ADAM28: variants seen among roughly 807,000 people sequenced by gnomAD.
ADAM28 encodes disintegrin and metalloproteinase domain-containing protein 28.
Under a neutral mutation model 101.2 loss-of-function variants are expected in ADAM28, and 105 were observed. That is an observed-to-expected ratio of 1.04 (90% CI 0.89 to 1.22). The LOEUF (loss-of-function observed/expected upper bound fraction) is 1.22, where lower values mean the gene tolerates loss of function less well. Among genes scored for constraint, ADAM28 ranks in the 50% most tolerant of loss-of-function variants. The probability of loss-of-function intolerance (pLI) is 0.00; values close to 1 mark genes in which losing one functional copy is unlikely to be tolerated. For synonymous variants in ADAM28, 322 were observed against 310.6 expected (o/e 1.04, Z -0.39); for missense variants, 1,028 against 945.4 (o/e 1.09, Z -1.15).
chr8:24,345,585 A>T (rs1289510483), intron 18 of ADAM28, among the ~76,000 whole-genome samples: 1 of 151,980 alleles, frequency 6.6e-6, no homozygotes, highest in Non-Finnish European at 1.5e-5. Flanking sequence ...TTTACAGTCT[A>T]TATTTTAATT....
chr8:24,349,322 A>G (rs998923376), intron 18 of ADAM28, among the ~76,000 whole-genome samples: 3 of 152,228 alleles, frequency 2.0e-5, no homozygotes, highest in African/African-American at 7.2e-5. Context: ...ATGGAGGCCC[A>G]GGAATATTTG....
chr8:24,310,418 C>A, intron 4 of ADAM28, 177 bp downstream of exon 4: 1 of 590,496 alleles, frequency 1.7e-6, no homozygotes, highest in East Asian at 3.3e-5. Flanking sequence ...TTAACAAGAA[C>A]AAAACAATTT....
intron 2 of ADAM28, chr8:24,308,577 T>G (rs1439105306): frequency 2.0e-5 from 9 of 455,642 alleles, no homozygotes; most frequent in Admixed American, 1.9e-4. Context: ...TTCTTAATCC[T>G]GAACAGTAAG....
Position 24,311,416 on chromosome 8 carries a change from T to TCAGCACATG in ADAM28, c.363_371dup (p.Ser122_Cys124dup). The stretch of plus-strand genomic sequence containing the variant: ...AATGAAAAGGTTTCTGACGCTAGCA[T>TCAGCACATG]CAGCACATGTAGGGGTCTAAGGTAA... On this transcript the variant is annotated inframe_insertion, in exon 5 of 23. Transcript: ENST00000265769. 1 of 1,613,210 alleles carries TCAGCACATG rather than the reference T, an allele frequency of 6.2e-7. No homozygotes were observed. Among genetic ancestry groups the TCAGCACATG allele is most frequent in the Non-Finnish European group, 8.5e-7 (1 of 1,179,496 alleles).
intron 6 of ADAM28, 99 bp from the exon 7 acceptor site, chr8:24,320,137 G>C: frequency 1.2e-6 from 1 of 842,286 alleles, no homozygotes; most frequent in Non-Finnish European, 2.0e-6. Flanking sequence ...CTTTACTCCA[G>C]ATATCAACCA....
At chr8:24,351,207 G>T in intron 19 of ADAM28, 25 bp from the exon 20 acceptor site, 1 of 1,516,884 alleles carries the variant, frequency 6.6e-7, no homozygotes, top group Non-Finnish European at 8.8e-7. Context: ...TAAGTCAATT[G>T]ATATCATGTG....
At chr8:24,336,642 A>G (rs1004299410) in intron 14 of ADAM28, among the ~76,000 whole-genome samples, 5 of 151,858 alleles carry the variant, frequency 3.3e-5, no homozygotes, top group Non-Finnish European at 5.9e-5. Context: ...TCAATTTTAG[A>G]TCATAAGTGA....
chr8:24,312,659 T>C (rs920828868), intron 5 of ADAM28, among the ~76,000 whole-genome samples: 6 of 151,686 alleles, frequency 4.0e-5, no homozygotes, highest in Admixed American at 3.9e-4. Context: ...TATATAATTA[T>C]ATATATTCTG....
rs779234242 is a variant in ADAM28 at position 24,332,641 on chromosome 8, T to G, written c.1282-19T>G. On this transcript the variant is annotated intron_variant, in intron 12 of 22. Transcript: ENST00000265769. Reference sequence around the variant, plus strand: ...CAAAAAGTAATGTTGCATTTACATTTGTTTCTCATATTTCTTAGGAATGTA... The same window carrying G: ...CAAAAAGTAATGTTGCATTTACATTGGTTTCTCATATTTCTTAGGAATGTA... 4.3e-6 allele frequency: 6 copies of G among 1,396,962 alleles called. No individual in the cohort carries two copies. The highest frequency in any genetic ancestry group is 5.8e-6 in the Non-Finnish European group (6 of 1,038,502). 86.5% of individuals were successfully genotyped at this position (1,396,962 alleles called of 1,614,324 possible). A position where few individuals can be genotyped will look rare whatever the true frequency, so the allele number is the denominator to read the frequency against.
At chr8:24,335,119 C>A (rs1416632697) in intron 13 of ADAM28, among the ~76,000 whole-genome samples, 1 of 151,640 alleles carries the variant, frequency 6.6e-6, no homozygotes, top group Non-Finnish European at 1.5e-5. Context: ...GAGATGCATC[C>A]AACAAAAGGA....
intron 8 of ADAM28, 98 bp downstream of exon 8, chr8:24,321,387 G>C (rs1188424608): frequency 4.3e-5 from 42 of 985,080 alleles, no homozygotes; most frequent in Admixed American, 6.9e-5. Context: ...GCAAAGTCAA[G>C]ACATTTGAGA....
rs1164719936 is a variant in ADAM28, at chr8:24,357,804, C to G, written c.*3400C>G. ...GTCTCTAGTCTCTTCCATTTGTTCT[C>G]CCTTCTTTACTAGCACCGAGGATTT... On this transcript the variant is annotated 3_prime_UTR_variant, in exon 23 of 23. Coordinates refer to ENST00000265769, the MANE Select transcript of ADAM28 (RefSeq NM_014265.6). 3 of 151,910 alleles carry G rather than the reference C, an allele frequency of 2.0e-5. No individual in the cohort carries two copies. The highest frequency in any genetic ancestry group is 4.4e-5 in the Non-Finnish European group (3 of 67,994). The allele number at this position is 151,910 out of a possible 1,614,324, so 9.4% of individuals were successfully genotyped here. A position where few individuals can be genotyped will look rare whatever the true frequency, so the allele number is the denominator to read the frequency against.
chr8:24,336,349 T>C (rs952821844), intron 14 of ADAM28, among the ~76,000 whole-genome samples: 4 of 151,844 alleles, frequency 2.6e-5, no homozygotes, highest in Admixed American at 1.3e-4. Context: ...TTTGGGAGGC[T>C]GAGGCGGGCG....
intron 14 of ADAM28, among the ~76,000 whole-genome samples, chr8:24,338,868 C>A (rs549830221): frequency 8.5e-5 from 13 of 152,092 alleles, no homozygotes; most frequent in African/African-American, 2.9e-4. Flanking sequence ...TATTTGTCAA[C>A]CATGTACTGC....
At chr8:24,323,581 TTCTCC>T (rs1812155517) in intron 8 of ADAM28, among the ~76,000 whole-genome samples, 2 of 152,004 alleles carry the variant, frequency 1.3e-5, no homozygotes, top group Middle Eastern at 3.4e-3. Flanking sequence ...ACAGGGCCTT[TTCTCC>T]TCCCTACCAC....
chr8:24,298,107 C>T (rs1446055686), intron 1 of ADAM28, among the ~76,000 whole-genome samples: 2 of 152,124 alleles, frequency 1.3e-5, no homozygotes, highest in Admixed American at 1.3e-4. Flanking sequence ...TACTTGTATG[C>T]ATAAATCATA....
chr8:24,343,676 C>G, intron 18 of ADAM28, 92 bp downstream of exon 18: 2 of 1,167,892 alleles, frequency 1.7e-6, no homozygotes, highest in Non-Finnish European at 2.5e-6. Context: ...CTTCTTTTCT[C>G]TGTTCTTGAA....
chr8:24,343,703 T>TTCAACATCAACA, intron 18 of ADAM28, 119 bp downstream of exon 18: 1 of 868,666 alleles, frequency 1.2e-6, no homozygotes, highest in Non-Finnish European at 1.8e-6. Flanking sequence ...GTTCTGTTGA[T>TTCAACATCAACA]GTTGAATCCA....
chr8:24,329,990 C>T lies in ADAM28; in HGVS notation c.978C>T (p.His326=). Residue 326 remains histidine (H), a synonymous_variant, in exon 11 of 23, where the codon CAC becomes CAT. Transcript: ENST00000265769. ...SPYSVGVVQD[H]SDNLLRVAGT... ...TTCTTCTTTCATACCTTTAGGACCA[C>T]AGCGATAATCTTCTTAGAGTTGCAG... 1 of 1,612,456 alleles carries T rather than the reference C, an allele frequency of 6.2e-7. No individual in the cohort carries two copies. The highest frequency in any genetic ancestry group is 8.5e-7 in the Non-Finnish European group (1 of 1,179,106).
Sources: allele counts gnomAD v4.1 joint callset (sites outside exome capture counted in the v4.1 genomes callset), GRCh38; gene constraint gnomAD v4.1.1; transcripts MANE v1.5; gene names NCBI Gene and HGNC (gene_info 2026-07-23, HGNC 2026-07-21).